The following VPS53 variants were observed in gnomAD, a reference collection of about 807,000 sequenced individuals.
VPS53 encodes vacuolar protein sorting-associated protein 53 homolog.
Under a neutral mutation model 107.0 loss-of-function variants are expected in VPS53, and 70 were observed. The observed-to-expected ratio is 0.65, with a 90% CI of 0.54 to 0.80. The LOEUF (loss-of-function observed/expected upper bound fraction) is 0.80, where lower values mean the gene tolerates loss of function less well. Among genes scored for constraint, VPS53 ranks in the 30% least tolerant of loss-of-function variants. VPS53 has a pLI of 0.00. For synonymous variants in VPS53, 409 were observed against 393.3 expected (o/e 1.04, Z -0.47); for missense variants, 917 against 1,049.4 (o/e 0.87, Z 1.74).
chr17:620,561 T>G (rs1188993315), intron 11 of VPS53, among the ~76,000 whole-genome samples: 1 of 152,156 alleles, frequency 6.6e-6, no homozygotes, highest in Admixed American at 6.5e-5. Flanking sequence ...CAGCGCCTAC[T>G]TCCTATGGCT....
In VPS53 at chr17:513,407, A is replaced by C. The variant is rs986139633; in HGVS notation, c.*5721T>G. On this transcript the variant is annotated 3_prime_UTR_variant, in exon 22 of 22. Transcript: ENST00000437048. ...CAAGAGGCTATTCTGATGAATACTA[A>C]AACAGGACTGGGAATTTTTATTTAA... is the stretch of plus-strand genomic sequence containing the variant. The C allele has an allele frequency of 1.3e-5, 2 of 152,178 alleles. No homozygotes were observed. 9.4% of individuals were successfully genotyped at this position (152,178 alleles called of 1,614,324 possible). A position where few individuals can be genotyped will look rare whatever the true frequency, so the allele number is the denominator to read the frequency against.
chr17:684,752 C>T (rs1369182870), intron 4 of VPS53, among the ~76,000 whole-genome samples: 1 of 151,852 alleles, frequency 6.6e-6, no homozygotes, highest in Non-Finnish European at 1.5e-5. Context: ...TTTGGGAGGC[C>T]GAGGCGAGTG....
intron 17 of VPS53, 46 bp from the exon 18 acceptor site, chr17:537,222 GGT>G: frequency 1.3e-6 from 2 of 1,599,468 alleles, no homozygotes; most frequent in Non-Finnish European, 1.7e-6. Context: ...GCAGGAGAAC[GGT>G]GTCGCCTGTT....
At chr17:541,501 T>TATC (rs1473680950) in intron 17 of VPS53, among the ~76,000 whole-genome samples, 3 of 150,566 alleles carry the variant, frequency 2.0e-5, no homozygotes, top group African/African-American at 7.3e-5. Flanking sequence ...AAAGAATGTT[T>TATC]ATCAAGCACC....
intron 7 of VPS53, among the ~76,000 whole-genome samples, chr17:641,103 A>G (rs331007): frequency 0.38 from 58,299 of 151,918 alleles, 12,613 homozygotes; most frequent in South Asian, 0.5. Flanking sequence ...TGATCCACCC[A>G]CCTCGGCCTC....
Position 524,770 on chromosome 17 carries a change from G to C in VPS53, c.2086-3032C>G, listed in dbSNP as rs143192790. Among the ~76,000 whole-genome samples the C allele has an allele frequency of 1.3e-5, 2 of 152,018 alleles. No individual in the cohort carries two copies. Among genetic ancestry groups the C allele is most frequent in the Non-Finnish European group, 2.9e-5 (2 of 68,008 alleles). On this transcript the variant is annotated intron_variant, in intron 19 of 21. Coordinates refer to ENST00000437048, the MANE Select transcript of VPS53 (RefSeq NM_001128159.3). This position sits in a 1 kb window ranked among gnomAD's most constrained non-coding sequence, Gnocchi z 4.5. ...GCACTGAAATTCACAAATGTACACC[G>C]TAATACACCCATCAGAGTCAGAAGT...
intron 7 of VPS53, among the ~76,000 whole-genome samples, chr17:635,426 T>C (rs1056865224): frequency 5.9e-5 from 9 of 152,232 alleles, no homozygotes; most frequent in African/African-American, 1.2e-4. Context: ...CAATTTTGGC[T>C]TTTGTTGCCA....
intron 7 of VPS53, among the ~76,000 whole-genome samples, chr17:632,123 G>A (rs1258302915): frequency 6.6e-6 from 1 of 152,042 alleles, no homozygotes; most frequent in African/African-American, 2.4e-5. Context: ...CAGGTGCGGG[G>A]GCACACACCT....
intron 11 of VPS53, among the ~76,000 whole-genome samples, chr17:622,969 G>A (rs750921056): frequency 6.6e-6 from 1 of 151,986 alleles, no homozygotes; most frequent in Non-Finnish European, 1.5e-5. Flanking sequence ...TTATACAGGT[G>A]TGAGCCACTG....
At chr17:630,394 G>A (rs1001201425) in intron 8 of VPS53, among the ~76,000 whole-genome samples, 4 of 151,562 alleles carry the variant, frequency 2.6e-5, no homozygotes, top group East Asian at 1.9e-4. Flanking sequence ...TCTCATGAGC[G>A]AATATCCCCA....
At chr17:619,380 C>T (rs796489197) in intron 11 of VPS53, among the ~76,000 whole-genome samples, 52 of 145,484 alleles carry the variant, frequency 3.6e-4, no homozygotes, top group African/African-American at 1.2e-3. Flanking sequence ...CACCACCATG[C>T]CCCGCTAATA....
chr17:649,869 A>G (rs1267732181), intron 7 of VPS53, among the ~76,000 whole-genome samples: 2 of 152,270 alleles, frequency 1.3e-5, no homozygotes, highest in Admixed American at 1.3e-4. Flanking sequence ...GAAAAGAATC[A>G]GCTAGATATG....
intron 4 of VPS53, among the ~76,000 whole-genome samples, chr17:694,760 T>A (rs1348081381): frequency 6.6e-6 from 1 of 152,178 alleles, no homozygotes; most frequent in Non-Finnish European, 1.5e-5. Context: ...GCATAAAATG[T>A]TGTGGGGGTT....
rs186503635 is a variant in VPS53 at position 678,141 on chromosome 17, C to T, written c.286-16246G>A. Among the ~76,000 whole-genome samples, 818 of 152,164 alleles carry T rather than the reference C, an allele frequency of 5.4e-3. 15 individuals are homozygous for T. Among genetic ancestry groups the T allele is most frequent in the Middle Eastern group, 3.4e-3 (1 of 294 alleles). On this transcript the variant is annotated intron_variant, in intron 4 of 21. Transcript: ENST00000437048. Reference sequence around the variant, plus strand: ...GTCTCAAGAGAGAAAAAAAGCCAGGCCCGGTGGCTCACGCCTGAAGTCCCA... The same window carrying T: ...GTCTCAAGAGAGAAAAAAAGCCAGGTCCGGTGGCTCACGCCTGAAGTCCCA...
intron 4 of VPS53, among the ~76,000 whole-genome samples, chr17:669,718 C>T (rs1284455984): frequency 6.6e-6 from 1 of 151,330 alleles, no homozygotes; most frequent in African/African-American, 2.4e-5. Flanking sequence ...ATGGTGAAAC[C>T]CCATCTCTAC....
chr17:583,456 C>A (rs1967154319), intron 13 of VPS53, among the ~76,000 whole-genome samples: 1 of 151,894 alleles, frequency 6.6e-6, no homozygotes, highest in Non-Finnish European at 1.5e-5. Flanking sequence ...TCAATGCGTT[C>A]CCAGAGAACC....
At chr17:585,356 CAAAG>C (rs2143000104) in intron 13 of VPS53, among the ~76,000 whole-genome samples, 1 of 152,254 alleles carries the variant, frequency 6.6e-6, no homozygotes, top group East Asian at 1.9e-4. Context: ...TCGTGAAAGA[CAAAG>C]AAAACTTGAG....
At chr17:682,416 C>T (rs1212578989) in intron 4 of VPS53, among the ~76,000 whole-genome samples, 1 of 152,140 alleles carries the variant, frequency 6.6e-6, no homozygotes, top group East Asian at 1.9e-4. Context: ...AACCAAGCAT[C>T]CTGAAATCCA....
intron 12 of VPS53, among the ~76,000 whole-genome samples, chr17:601,244 G>A (rs1220623207): frequency 6.6e-6 from 1 of 152,258 alleles, no homozygotes; most frequent in Non-Finnish European, 1.5e-5. Context: ...GAAGGGAGAG[G>A]AAATTTAGAC....
Sources: gnomAD v4.1 joint callset for allele counts (sites outside exome capture counted in the v4.1 genomes callset) on GRCh38, gnomAD v4.1.1 for gene constraint, Gnocchi (gnomAD v3.1) non-coding constraint, MANE v1.5 for transcripts, NCBI Gene and HGNC (gene_info 2026-07-23, HGNC 2026-07-21) for gene names.